The following PRICKLE2 variants were observed in gnomAD, a reference collection of about 807,000 sequenced individuals.
PRICKLE2 encodes prickle-like protein 2.
PRICKLE2 carries 21 observed loss-of-function variants against 81.4 expected under a neutral mutation model. The observed-to-expected ratio is 0.26, with a 90% CI of 0.18 to 0.37. The LOEUF is 0.37. PRICKLE2 is among the 10% of genes least tolerant of loss of function. The pLI, the probability that PRICKLE2 is intolerant of heterozygous loss-of-function variation, is 1.00. For synonymous variants in PRICKLE2, 456 were observed against 421.5 expected (o/e 1.08, Z -1.00); for missense variants, 940 against 1,109.0 (o/e 0.85, Z 2.16).
chr3:64,164,251 C>T lies in PRICKLE2; in HGVS notation c.145-1122G>A, dbSNP rs140747514. ...AATTAGCCTGGCCTGGTGGTGCATG[C>T]CTGTAATCCCAGCTACTCAGGAGGC... On this transcript the variant is annotated intron_variant, in intron 2 of 7. Coordinates refer to ENST00000638394, the MANE Select transcript of PRICKLE2 (RefSeq NM_198859.4). Among the ~76,000 whole-genome samples the T allele has an allele frequency of 5.8e-4, 88 of 152,252 alleles. 1 individual carries two copies. In the East Asian group the frequency reaches 0.015, roughly 26 times the overall value.
intron 1 of PRICKLE2, among the ~76,000 whole-genome samples, chr3:64,219,296 A>G (rs909835393): frequency 2.6e-5 from 4 of 152,170 alleles, no homozygotes; most frequent in African/African-American, 9.7e-5. Flanking sequence ...CATGTTCAAG[A>G]TGAAAGAACT....
chr3:64,113,288 C>T (rs2076880173), intron 7 of PRICKLE2, among the ~76,000 whole-genome samples: 1 of 152,154 alleles, frequency 6.6e-6, no homozygotes, highest in African/African-American at 2.4e-5. Context: ...AGACTTTAGC[C>T]CTAGAAGAAC....
chr3:64,121,309 G>T (rs2077023429), intron 7 of PRICKLE2, among the ~76,000 whole-genome samples: 1 of 152,188 alleles, frequency 6.6e-6, no homozygotes, highest in Non-Finnish European at 1.5e-5. Flanking sequence ...CTCAAAAACA[G>T]GCTTCAGTGC....
intron 1 of PRICKLE2, among the ~76,000 whole-genome samples, chr3:64,206,666 G>C (rs1328573045): frequency 2.0e-5 from 3 of 152,198 alleles, no homozygotes; most frequent in Non-Finnish European, 4.4e-5. Flanking sequence ...ACAGGGACAA[G>C]GGGCAGACTG....
intron 6 of PRICKLE2, among the ~76,000 whole-genome samples, chr3:64,148,984 AG>A (rs1470879492): frequency 6.6e-6 from 1 of 152,208 alleles, no homozygotes; most frequent in Non-Finnish European, 1.5e-5. Context: ...CTTTCGGTAA[AG>A]AAAAACCTAG....
chr3:64,123,595 C>G (rs1396560154), intron 7 of PRICKLE2, among the ~76,000 whole-genome samples: 3 of 152,188 alleles, frequency 2.0e-5, no homozygotes, highest in Non-Finnish European at 4.4e-5. Context: ...TTTCCAACAG[C>G]CTGTGCTCAC....
intron 2 of PRICKLE2, among the ~76,000 whole-genome samples, chr3:64,254,882 T>A (rs2079502189): frequency 6.6e-6 from 1 of 152,218 alleles, no homozygotes; most frequent in South Asian, 2.1e-4. Flanking sequence ...TTAGGCATGT[T>A]AACCTCTCAA....
Position 64,099,279 on chromosome 3 carries a change from G to A in PRICKLE2, c.2307C>T (p.Phe769=), listed in dbSNP as rs758388326. The A allele has an allele frequency of 1.9e-6, 3 of 1,614,078 alleles. No homozygotes were observed. Among genetic ancestry groups the A allele is most frequent in the Admixed American group, 1.7e-5 (1 of 60,008 alleles). ...NAFGDRWGPY[F]AEYDWCSTCS... ...AGGTGGAACACCAATCATACTCGGC[G>A]AAGTAGGGTCCCCAGCGGTCCCCAA... is the stretch of plus-strand genomic sequence containing the variant. Residue 769 remains phenylalanine, a synonymous_variant, in exon 8 of 8, where the codon TTC becomes TTT. Coordinates refer to ENST00000638394, the MANE Select transcript of PRICKLE2 (RefSeq NM_198859.4). The surrounding 1 kb of genome is among the most constrained non-coding windows in gnomAD (Gnocchi z 4.3).
chr3:64,153,583 C>T, intron 5 of PRICKLE2: 1 of 558,848 alleles, frequency 1.8e-6, no homozygotes, highest in Non-Finnish European at 3.2e-6. Context: ...GATTTCTGGC[C>T]TAGCCAGTAA....
chr3:64,151,147 G>A (rs1015612741), intron 6 of PRICKLE2, among the ~76,000 whole-genome samples: 1 of 152,196 alleles, frequency 6.6e-6, no homozygotes, highest in African/African-American at 2.4e-5. Context: ...TATAAATATG[G>A]AATATTTGTA....
At chr3:64,252,801 G>T (rs1187230071) in intron 2 of PRICKLE2, among the ~76,000 whole-genome samples, 4 of 152,118 alleles carry the variant, frequency 2.6e-5, no homozygotes, top group Non-Finnish European at 5.9e-5. Flanking sequence ...TCCTATTAAG[G>T]GTCAGGATCA....
At chr3:64,199,869 A>G (rs2107117246) in intron 1 of PRICKLE2, 1 of 152,324 alleles carries the variant, frequency 6.6e-6, no homozygotes, top group East Asian at 1.9e-4. Flanking sequence ...AAGTTATTCC[A>G]TGTTCACTCT....
intron 7 of PRICKLE2, among the ~76,000 whole-genome samples, chr3:64,125,905 TGTATAACGTTAA>T (rs1233158280): frequency 5.3e-5 from 8 of 152,162 alleles, no homozygotes; most frequent in African/African-American, 1.9e-4. Flanking sequence ...ATGCCTAACC[TGTATAACGTTAA>T]GTGAAAAAAC....
intron 2 of PRICKLE2, among the ~76,000 whole-genome samples, chr3:64,190,612 C>T (rs975866339): frequency 5.3e-5 from 8 of 152,180 alleles, no homozygotes; most frequent in African/African-American, 1.9e-4. Flanking sequence ...ATGGCCATTT[C>T]CTTTTCACCC....
At chr3:64,255,987 A>G (rs1169320291) in intron 2 of PRICKLE2, among the ~76,000 whole-genome samples, 1 of 152,208 alleles carries the variant, frequency 6.6e-6, no homozygotes, top group East Asian at 1.9e-4. Flanking sequence ...CAGGGCAGGA[A>G]AAAAGCAAGC....
rs186960434 is a variant in PRICKLE2, at chr3:64,202,488, T to C, written c.-40-3521A>G. 2.6e-5 allele frequency among the ~76,000 whole-genome samples: 4 copies of C among 152,322 alleles called. No homozygotes were observed. In the East Asian group the frequency reaches 7.7e-4, roughly 29 times the overall value. Reference sequence around the variant, plus strand: ...CACTTCTTTTAAGTTTATTCTTAAGTATTTTATTCTTTTTGATGCTACTGT... The same window carrying C: ...CACTTCTTTTAAGTTTATTCTTAAGCATTTTATTCTTTTTGATGCTACTGT... On this transcript the variant is annotated intron_variant, in intron 1 of 7. Transcript: ENST00000638394.
At chr3:64,206,255 C>A (rs1251948362) in intron 1 of PRICKLE2, among the ~76,000 whole-genome samples, 1 of 152,052 alleles carries the variant, frequency 6.6e-6, no homozygotes, top group Non-Finnish European at 1.5e-5. Context: ...GTGATGCAGC[C>A]GGTCCTCCAA....
chr3:64,153,154 C>A (rs201025000), intron 6 of PRICKLE2, 28 bp downstream of exon 6: 2 of 1,610,458 alleles, frequency 1.2e-6, no homozygotes. Flanking sequence ...CACAGAAGGA[C>A]CAAGCTGACT....
chr3:64,110,126 C>G (rs1415193906), intron 7 of PRICKLE2, among the ~76,000 whole-genome samples: 2 of 152,206 alleles, frequency 1.3e-5, no homozygotes, highest in East Asian at 1.9e-4. Flanking sequence ...TGTATTGCCA[C>G]AAAGCATATT....
Sources: gnomAD v4.1 joint callset for allele counts (sites outside exome capture counted in the v4.1 genomes callset) on GRCh38, gnomAD v4.1.1 for gene constraint, Gnocchi (gnomAD v3.1) non-coding constraint, MANE v1.5 for transcripts, NCBI Gene and HGNC (gene_info 2026-07-23, HGNC 2026-07-21) for gene names.